DNAJC5: variants seen among roughly 807,000 people sequenced by gnomAD.
The protein encoded by DNAJC5 is dnaJ homolog subfamily C member 5.
DNAJC5 carries 1 observed loss-of-function variant against 23.2 expected under a neutral mutation model. The observed-to-expected ratio is 0.04, with a 90% CI of 0.02 to 0.20. The LOEUF (loss-of-function observed/expected upper bound fraction) is 0.20. Among genes scored for constraint, DNAJC5 ranks in the 10% least tolerant of loss-of-function variants. The pLI is 1.00. For synonymous variants in DNAJC5, 136 were observed against 120.0 expected (o/e 1.13, Z -0.87); for missense variants, 180 against 267.0 (o/e 0.67, Z 2.27).
chr20:63,897,197 C>T (rs539051856), intron 1 of DNAJC5, among the ~76,000 whole-genome samples: 3 of 152,268 alleles, frequency 2.0e-5, no homozygotes, highest in African/African-American at 7.2e-5. Context: ...GAGTTCGAGA[C>T]TAGCCTGGCC....
Position 63,931,480 on chromosome 20 carries a change from C to A in DNAJC5, c.509C>A (p.Pro170Gln). Residue 170 changes from proline (P) to glutamine (Q), a missense_variant, in exon 5 of 5, where the codon CCG becomes CAG. Transcript: ENST00000360864. This position sits in a 1 kb window ranked among gnomAD's most constrained non-coding sequence, Gnocchi z 9.6. The part of the protein sequence containing the change: ...QSDEREATDT[P>Q]IVIQPASATE... The stretch of plus-strand genomic sequence containing the variant: ...TGCTTTTCAGAGGCCACAGACACGC[C>A]GATCGTCATACAGCCGGCATCCGCC... 1.3e-6 allele frequency: 2 copies of A among 1,567,716 alleles called. No homozygotes were observed. The highest frequency in any genetic ancestry group is 1.2e-5 in the South Asian group (1 of 85,872).
chr20:63,918,554 G>A (rs530313060), intron 1 of DNAJC5, among the ~76,000 whole-genome samples: 44 of 152,254 alleles, frequency 2.9e-4, no homozygotes, highest in Admixed American at 2.0e-3. Flanking sequence ...AATTAGAGAC[G>A]GGATCATGGT....
rs1314293120 is a variant in DNAJC5 at position 63,931,036 on chromosome 20, C to T, written c.493+14C>T. 6.2e-7 allele frequency: 1 copy of T among 1,612,854 alleles called. No homozygotes were observed. The highest frequency in any genetic ancestry group is 2.2e-5 in the East Asian group (1 of 44,884). On this transcript the variant is annotated intron_variant, in intron 4 of 4. Coordinates refer to ENST00000360864, the MANE Select transcript of DNAJC5 (RefSeq NM_025219.3). This position sits in a 1 kb window ranked among gnomAD's most constrained non-coding sequence, Gnocchi z 9.6. ...CTGACGAGAGGGGTGAGTGCCCGCCCCAGGGCCCGTGTGTGTGTGTGGGGC... is the reference window on the plus strand; with the variant it reads ...CTGACGAGAGGGGTGAGTGCCCGCCTCAGGGCCCGTGTGTGTGTGTGGGGC...
chr20:63,902,446 G>A (rs1440939606), intron 1 of DNAJC5, among the ~76,000 whole-genome samples: 3 of 133,880 alleles, frequency 2.2e-5, no homozygotes, highest in Non-Finnish European at 3.0e-5. Flanking sequence ...TTGGCTCACC[G>A]CAACCTCTGC....
At chr20:63,923,666 A>G (rs1314237654) in intron 1 of DNAJC5, among the ~76,000 whole-genome samples, 1 of 152,184 alleles carries the variant, frequency 6.6e-6, no homozygotes, top group Non-Finnish European at 1.5e-5. Context: ...TCAAGGTTGC[A>G]GTGAGCTGAA....
chr20:63,902,675 G>GTTTTTT (rs35872737), intron 1 of DNAJC5, among the ~76,000 whole-genome samples: 1 of 108,156 alleles, frequency 9.2e-6, no homozygotes. Flanking sequence ...GCCTCATCTT[G>GTTTTTT]TTTTTTTTTT....
intron 1 of DNAJC5, among the ~76,000 whole-genome samples, chr20:63,912,935 G>C (rs1438823915): frequency 6.6e-6 from 1 of 152,030 alleles, no homozygotes; most frequent in African/African-American, 2.4e-5. Flanking sequence ...GTTCATCACA[G>C]ATTTTAAATT....
chr20:63,904,318 C>T (rs774661646), intron 1 of DNAJC5, among the ~76,000 whole-genome samples: 8 of 152,186 alleles, frequency 5.3e-5, no homozygotes, highest in East Asian at 1.9e-4. Context: ...TTACCTCTTA[C>T]GATGTGGTTT....
chr20:63,921,358 G>A (rs1274358690), intron 1 of DNAJC5, among the ~76,000 whole-genome samples: 3 of 152,054 alleles, frequency 2.0e-5, no homozygotes, highest in South Asian at 2.1e-4. Flanking sequence ...TTGGGAGGCC[G>A]AGGCTGGTGG....
chr20:63,902,381 T>A (rs1442638530), intron 1 of DNAJC5, among the ~76,000 whole-genome samples: 2 of 115,562 alleles, frequency 1.7e-5, no homozygotes, highest in African/African-American at 7.9e-5. Flanking sequence ...TTTTTTTTTT[T>A]TGAGACGGAG....
intron 1 of DNAJC5, among the ~76,000 whole-genome samples, chr20:63,901,058 G>A (rs964993116): frequency 6.6e-6 from 1 of 152,176 alleles, no homozygotes; most frequent in Non-Finnish European, 1.5e-5. Flanking sequence ...TCCACCTCCC[G>A]GGTTCAAGTG....
At chr20:63,899,880 C>CTTTTTT (rs1206952926) in intron 1 of DNAJC5, among the ~76,000 whole-genome samples, 6 of 114,784 alleles carry the variant, frequency 5.2e-5, no homozygotes, top group Non-Finnish European at 1.9e-5. Context: ...TGCGCCTGGG[C>CTTTTTT]TTTTTTTTTT....
intron 1 of DNAJC5, among the ~76,000 whole-genome samples, chr20:63,913,683 C>T (rs1163209398): frequency 1.3e-5 from 2 of 152,148 alleles, no homozygotes; most frequent in Non-Finnish European, 2.9e-5. Flanking sequence ...AAGTGATTCT[C>T]CTGCCTCAGC....
At chr20:63,926,792 G>A (rs970768584) in intron 1 of DNAJC5, among the ~76,000 whole-genome samples, 1 of 152,178 alleles carries the variant, frequency 6.6e-6, no homozygotes, top group Non-Finnish European at 1.5e-5. Flanking sequence ...GCTTCATGGA[G>A]CCCCCAGCTC....
intron 1 of DNAJC5, among the ~76,000 whole-genome samples, chr20:63,927,292 G>A (rs1431439792): frequency 6.6e-6 from 1 of 152,170 alleles, no homozygotes; most frequent in Non-Finnish European, 1.5e-5. Flanking sequence ...TGAGGCAGGC[G>A]GATCACCTGA....
At chr20:63,927,409 G>T (rs962355606) in intron 1 of DNAJC5, among the ~76,000 whole-genome samples, 1 of 152,142 alleles carries the variant, frequency 6.6e-6, no homozygotes, top group Non-Finnish European at 1.5e-5. Flanking sequence ...GGTGGCACAT[G>T]CCTGTAATCC....
rs1025181742 is a variant in DNAJC5 at position 63,920,641 on chromosome 20, C to T, written c.-11-7694C>T. Among the ~76,000 whole-genome samples the T allele has an allele frequency of 3.3e-5, 5 of 152,206 alleles. No individual in the cohort carries two copies. Among genetic ancestry groups the T allele is most frequent in the African/African-American group, 9.6e-5 (4 of 41,462 alleles). On this transcript the variant is annotated intron_variant, in intron 1 of 4. Transcript: ENST00000360864. The surrounding 1 kb of genome is among the most constrained non-coding windows in gnomAD (Gnocchi z 4.6). ...ACTGGGATACGCTGGATTTGTAAAACGTGACCCTTTTTGTTTGCTTTTAAT... is the reference window on the plus strand; with the variant it reads ...ACTGGGATACGCTGGATTTGTAAAATGTGACCCTTTTTGTTTGCTTTTAAT...
chr20:63,906,852 C>G (rs1172368278), intron 1 of DNAJC5, among the ~76,000 whole-genome samples: 3 of 151,892 alleles, frequency 2.0e-5, no homozygotes, highest in Non-Finnish European at 4.4e-5. Context: ...ACCTGTAATC[C>G]CAGCACATTG....
intron 1 of DNAJC5, among the ~76,000 whole-genome samples, chr20:63,915,116 GGGT>G (rs1186820529): frequency 2.0e-5 from 3 of 152,166 alleles, no homozygotes; most frequent in Non-Finnish European, 4.4e-5. Context: ...CTGGGGCACT[GGGT>G]GGGCCTCAGG....
Sources: gnomAD v4.1 joint callset for allele counts (sites outside exome capture counted in the v4.1 genomes callset) on GRCh38, gnomAD v4.1.1 for gene constraint, Gnocchi (gnomAD v3.1) non-coding constraint, MANE v1.5 for transcripts, NCBI Gene and HGNC (gene_info 2026-07-23, HGNC 2026-07-21) for gene names.